Variants in AMPH observed in about 807,000 individuals in gnomAD.
AMPH encodes the protein amphiphysin, also known as amphiphysin (Stiff-Mann syndrome with breast cancer 128kD autoantigen).
A neutral mutation model predicts 99.1 loss-of-function variants in AMPH; 49 were observed. The ratio of observed to expected loss-of-function variants is 0.49; its 90% CI spans 0.39 to 0.63. The LOEUF (loss-of-function observed/expected upper bound fraction) is 0.63, where lower values mean the gene tolerates loss of function less well. Ranked by LOEUF, AMPH falls within the 20% of genes least tolerant of loss-of-function variation. The probability of loss-of-function intolerance (pLI) is 0.00; values close to 1 mark genes in which losing one functional copy is unlikely to be tolerated. For missense variants in AMPH, 759 were observed against 863.4 expected, an observed-to-expected ratio of 0.88 and a Z score of 1.52; for synonymous variants, 314 against 317.3, an observed-to-expected ratio of 0.99 and a Z score of 0.11.
chr7:38,474,016 A>G (rs1479229773), intron 7 of AMPH, among the ~76,000 whole-genome samples: 1 of 152,036 alleles, frequency 6.6e-6, no homozygotes, highest in African/African-American at 2.4e-5. Context: ...TCTGAAAGAA[A>G]AGGTGTACAG....
chr7:38,421,234 C>A (rs1785570178), intron 16 of AMPH, among the ~76,000 whole-genome samples: 1 of 152,228 alleles, frequency 6.6e-6, no homozygotes, highest in African/African-American at 2.4e-5. Flanking sequence ...GAATCTTTTG[C>A]ATCCGTGTAG....
chr7:38,484,086 A>G (rs1437045186), intron 5 of AMPH, among the ~76,000 whole-genome samples: 1 of 152,118 alleles, frequency 6.6e-6, no homozygotes, highest in Non-Finnish European at 1.5e-5. Flanking sequence ...AAAGAAAAAC[A>G]AATGCAAAAT....
chr7:38,389,946 A>G, intron 19 of AMPH, 41 bp from the exon 20 acceptor site: 2 of 1,474,050 alleles, frequency 1.4e-6, no homozygotes, highest in Non-Finnish European at 1.9e-6. Context: ...TTTCCCAGCC[A>G]GATTTCAAGC....
chr7:38,582,717 G>T (rs185243994), intron 1 of AMPH, among the ~76,000 whole-genome samples: 13 of 152,284 alleles, frequency 8.5e-5, no homozygotes, highest in Admixed American at 7.2e-4. Context: ...TGGCTGAGTA[G>T]ACAGACAGAC....
rs557171536 is a variant in AMPH at position 38,404,270 on chromosome 7, G to A, written c.1399-10056C>T. Reference sequence around the variant, plus strand: ...TCCTCCTGTCACCCTTGTCAGGGCAGGTGCCTCCATTCATCATCCAGCTAC... The same window carrying A: ...TCCTCCTGTCACCCTTGTCAGGGCAAGTGCCTCCATTCATCATCCAGCTAC... On this transcript the variant is annotated intron_variant, in intron 17 of 20. Coordinates refer to ENST00000356264, the MANE Select transcript of AMPH (RefSeq NM_001635.4). 5.2e-4 allele frequency among the ~76,000 whole-genome samples: 79 copies of A among 152,100 alleles called. No individual in the cohort carries two copies. The South Asian group carries it at 6.2e-3, about 12-fold the overall frequency.
chr7:38,562,026 C>T (rs1158990207), intron 1 of AMPH, among the ~76,000 whole-genome samples: 5 of 145,846 alleles, frequency 3.4e-5, no homozygotes, highest in Non-Finnish European at 7.5e-5. Context: ...TTTCCAAAAA[C>T]GGTGGGACTT....
intron 4 of AMPH, among the ~76,000 whole-genome samples, chr7:38,491,617 A>G (rs2129020203): frequency 6.6e-6 from 1 of 152,340 alleles, no homozygotes; most frequent in South Asian, 2.1e-4. Flanking sequence ...ATGGAGTATC[A>G]ATTATGTTAA....
intron 18 of AMPH, 150 bp from the exon 19 acceptor site, chr7:38,392,167 T>C: frequency 1.4e-6 from 1 of 719,930 alleles, no homozygotes; most frequent in Non-Finnish European, 2.3e-6. Context: ...GGCCTTCCGC[T>C]GTGCCACACA....
intron 1 of AMPH, among the ~76,000 whole-genome samples, chr7:38,556,933 A>C (rs1418444970): frequency 6.6e-6 from 1 of 152,184 alleles, no homozygotes; most frequent in Non-Finnish European, 1.5e-5. Context: ...AAGCAAATTG[A>C]CTTGGATGAA....
chr7:38,548,008 G>C (rs1177626091), intron 1 of AMPH, among the ~76,000 whole-genome samples: 1 of 150,428 alleles, frequency 6.6e-6, no homozygotes, highest in East Asian at 2.0e-4. Context: ...TTGCCTACTA[G>C]GAATTTCCTT....
At chr7:38,574,010 T>C (rs556688952) in intron 1 of AMPH, among the ~76,000 whole-genome samples, 1 of 152,312 alleles carries the variant, frequency 6.6e-6, no homozygotes, top group South Asian at 2.1e-4. Context: ...GAGTCCAGGT[T>C]CTACATAGAT....
chr7:38,578,463 C>A (rs1247445689), intron 1 of AMPH, among the ~76,000 whole-genome samples: 2 of 152,118 alleles, frequency 1.3e-5, no homozygotes, highest in Non-Finnish European at 2.9e-5. Context: ...AATATTGCAT[C>A]ATTTAAACTC....
rs372297892 is a variant in AMPH at position 38,495,960 on chromosome 7, C to G, written c.206-1433G>C. Among the ~76,000 whole-genome samples, 168 of 152,176 alleles carry G rather than the reference C, an allele frequency of 1.1e-3. 1 individual carries two copies. In the South Asian group the frequency reaches 0.033, roughly 30 times the overall value. Reference sequence around the variant, plus strand: ...CATGGCTGAGAGCAAAACAAGGGGCCAGGAAGAGCTGGGGACTTGGAGATG... The same window carrying G: ...CATGGCTGAGAGCAAAACAAGGGGCGAGGAAGAGCTGGGGACTTGGAGATG... On this transcript the variant is annotated intron_variant, in intron 3 of 20. Transcript: ENST00000356264.
intron 1 of AMPH, among the ~76,000 whole-genome samples, chr7:38,580,759 GC>G (rs1252947343): frequency 6.8e-6 from 1 of 147,656 alleles, no homozygotes; most frequent in Non-Finnish European, 1.5e-5. Context: ...TCAAAGCAGA[GC>G]CCCACACTGA....
At chr7:38,476,684 G>A (rs1263661231) in intron 6 of AMPH, among the ~76,000 whole-genome samples, 178 bp downstream of exon 6, 1 of 152,050 alleles carries the variant, frequency 6.6e-6, no homozygotes, top group Non-Finnish European at 1.5e-5. Context: ...CATATGAACT[G>A]TACAATATAA....
chr7:38,489,330 A>C (rs1481507155), intron 5 of AMPH, among the ~76,000 whole-genome samples: 2 of 151,828 alleles, frequency 1.3e-5, no homozygotes, highest in Non-Finnish European at 2.9e-5. Flanking sequence ...TATACCATAC[A>C]CAAAAATCAA....
intron 1 of AMPH, among the ~76,000 whole-genome samples, chr7:38,607,452 T>C (rs750273627): frequency 4.6e-5 from 7 of 152,204 alleles, no homozygotes; most frequent in Non-Finnish European, 1.0e-4. Flanking sequence ...ACATTTTGAA[T>C]GCAAAAGGTA....
chr7:38,625,427 C>A (rs2129072257), intron 1 of AMPH, among the ~76,000 whole-genome samples: 1 of 152,114 alleles, frequency 6.6e-6, no homozygotes, highest in South Asian at 2.1e-4. Flanking sequence ...ATTATTAACT[C>A]CAGGAAAAAC....
At chr7:38,393,218 C>T (rs779190469) in intron 18 of AMPH, among the ~76,000 whole-genome samples, 5 of 152,022 alleles carry the variant, frequency 3.3e-5, no homozygotes, top group Non-Finnish European at 5.9e-5. Flanking sequence ...AGCCCCCAGC[C>T]CAAAAAGGGA....
Sources: gnomAD v4.1 joint callset for allele counts (sites outside exome capture counted in the v4.1 genomes callset) on GRCh38, gnomAD v4.1.1 for gene constraint, MANE v1.5 for transcripts, NCBI Gene and HGNC (gene_info 2026-07-23, HGNC 2026-07-21) for gene names.